CCSER1: variants seen among roughly 807,000 people sequenced by gnomAD.
The protein encoded by CCSER1 is coiled-coil serine rich protein 1, also known as serine-rich coiled-coil domain-containing protein 1.
Under a neutral mutation model 82.0 loss-of-function variants are expected in CCSER1, and 41 were observed. The observed-to-expected ratio is 0.50, with a 90% confidence interval of 0.39 to 0.65. CCSER1 has a LOEUF of 0.65. Among genes scored for constraint, CCSER1 ranks in the 30% least tolerant of loss-of-function variants. The pLI is 0.00. For missense variants in CCSER1, 1,119 were observed against 1,064.2 expected, an observed-to-expected ratio of 1.05 and a Z score of -0.72; for synonymous variants, 414 against 383.9, an observed-to-expected ratio of 1.08 and a Z score of -0.92.
chr4:91,201,110 C>T (rs1192870461), intron 10 of CCSER1, among the ~76,000 whole-genome samples: 1 of 152,018 alleles, frequency 6.6e-6, no homozygotes, highest in Non-Finnish European at 1.5e-5. Flanking sequence ...CCTCATGTGG[C>T]TGTTCTCCAG....
chr4:91,040,260 TG>T (rs1434874796), intron 9 of CCSER1, among the ~76,000 whole-genome samples: 2 of 152,198 alleles, frequency 1.3e-5, no homozygotes, highest in Non-Finnish European at 2.9e-5. Context: ...CTAGATATTT[TG>T]GTTGTTCATT....
intron 10 of CCSER1, among the ~76,000 whole-genome samples, chr4:91,134,309 A>G (rs561907565): frequency 3.9e-4 from 59 of 152,042 alleles, no homozygotes; most frequent in African/African-American, 1.4e-3. Context: ...AGGTGAAAGG[A>G]TCACTTGAGC....
chr4:90,966,684 A>G (rs566144606), intron 9 of CCSER1, among the ~76,000 whole-genome samples: 18 of 152,274 alleles, frequency 1.2e-4, no homozygotes, highest in Middle Eastern at 6.8e-3. Flanking sequence ...ACACAGGAAA[A>G]TATGAAAACT....
Position 91,066,345 on chromosome 4 carries a change from T to G in CCSER1, c.2173-19605T>G, listed in dbSNP as rs1377690086. On this transcript the variant is annotated intron_variant, in intron 9 of 10. Transcript: ENST00000509176. ...CAACTGTTGCCAAATGGTCGCACAG[T>G]TAGCGACAGAGGAGAAATGAAGCAC... 2.0e-5 allele frequency among the ~76,000 whole-genome samples: 3 copies of G among 152,188 alleles called. No individual in the cohort carries two copies. The East Asian group carries it at 5.8e-4, about 29-fold the overall frequency.
intron 10 of CCSER1, among the ~76,000 whole-genome samples, chr4:91,151,020 G>C (rs1040122519): frequency 1.3e-5 from 2 of 152,044 alleles, no homozygotes; most frequent in Non-Finnish European, 2.9e-5. Context: ...TTTTTTTATT[G>C]ATTGAATAGT....
intron 1 of CCSER1, among the ~76,000 whole-genome samples, chr4:90,194,828 G>A (rs987068901): frequency 1.3e-5 from 2 of 151,940 alleles, no homozygotes; most frequent in South Asian, 2.1e-4. Context: ...CACTTAAATA[G>A]CATAAGAGGA....
At chr4:90,282,965 A>G (rs1729144109) in intron 1 of CCSER1, among the ~76,000 whole-genome samples, 1 of 152,040 alleles carries the variant, frequency 6.6e-6, no homozygotes, top group African/African-American at 2.4e-5. Flanking sequence ...AGCATTTGGT[A>G]TAAGGAAACA....
intron 10 of CCSER1, among the ~76,000 whole-genome samples, chr4:91,118,489 G>T (rs1726822297): frequency 6.6e-6 from 1 of 151,824 alleles, no homozygotes; most frequent in South Asian, 2.1e-4. Context: ...TGCCCTGGTT[G>T]GTCTCTAACT....
chr4:91,272,567 A>G (rs541377158), intron 10 of CCSER1, among the ~76,000 whole-genome samples: 1 of 152,264 alleles, frequency 6.6e-6, no homozygotes, highest in East Asian at 1.9e-4. Context: ...CTCTGCTGGC[A>G]GTTCCTTTTG....
chr4:90,346,189 T>G (rs1742298794), intron 3 of CCSER1, among the ~76,000 whole-genome samples: 1 of 152,118 alleles, frequency 6.6e-6, no homozygotes, highest in African/African-American at 2.4e-5. Context: ...TAAAGAATCC[T>G]TTGTAAATTT....
At position 90,811,995 on chromosome 4, in the gene CCSER1, C is replaced by CACACACACATATAT. The variant is rs367800484; in HGVS notation, c.2011-3766_2011-3765insCACACACATATATA. 4.3e-3 allele frequency among the ~76,000 whole-genome samples: 608 copies of CACACACACATATAT among 142,762 alleles called. 4 individuals are homozygous for CACACACACATATAT. The highest frequency in any genetic ancestry group is 0.015 in the African/African-American group (568 of 38,476). The allele number at this position is 142,762 out of a possible 152,430, so 93.7% of individuals were successfully genotyped here. On this transcript the variant is annotated intron_variant, in intron 7 of 10. Coordinates refer to ENST00000509176, the MANE Select transcript of CCSER1 (RefSeq NM_001145065.2). ...ATATATATATATATATATATAAACA[C>CACACACACATATAT]ATATATATATATGAGTTTATTAAGT...
intron 10 of CCSER1, among the ~76,000 whole-genome samples, chr4:91,349,430 T>A (rs78090263): frequency 0.34 from 10,031 of 29,478 alleles, 1,100 homozygotes; most frequent in African/African-American, 0.55. Context: ...GATGTAATGG[T>A]TAAGTTGTAG....
chr4:90,981,873 G>A (rs955800453), intron 9 of CCSER1, among the ~76,000 whole-genome samples: 3 of 151,164 alleles, frequency 2.0e-5, no homozygotes, highest in Admixed American at 6.6e-5. Context: ...GCTAAGAGAA[G>A]TAAAGCATTT....
intron 5 of CCSER1, among the ~76,000 whole-genome samples, chr4:90,469,998 T>C (rs1047818481): frequency 6.6e-6 from 1 of 152,200 alleles, no homozygotes; most frequent in African/African-American, 2.4e-5. Flanking sequence ...TCAAAAAGTT[T>C]CAGATTTTAG....
chr4:91,253,658 A>G (rs960508051), intron 10 of CCSER1, among the ~76,000 whole-genome samples: 5 of 152,202 alleles, frequency 3.3e-5, no homozygotes, highest in Admixed American at 6.5e-5. Context: ...AAGATATAAC[A>G]ATTATAAGCA....
At chr4:91,154,248 T>A (rs1019165833) in intron 10 of CCSER1, among the ~76,000 whole-genome samples, 8 of 151,966 alleles carry the variant, frequency 5.3e-5, no homozygotes, top group African/African-American at 1.9e-4. Flanking sequence ...CACCTTGCAG[T>A]TTGATCTCAG....
At chr4:91,317,601 T>C (rs779289686) in intron 10 of CCSER1, among the ~76,000 whole-genome samples, 23 of 150,162 alleles carry the variant, frequency 1.5e-4, no homozygotes, top group African/African-American at 3.8e-4. Flanking sequence ...TGTGTGTGTG[T>C]GCGTGTGTGT....
rs925386320 is a variant in CCSER1 at position 90,704,802 on chromosome 4, C to T, written c.1933-19112C>T. Among the ~76,000 whole-genome samples, 7 of 152,320 alleles carry T rather than the reference C, an allele frequency of 4.6e-5. No homozygotes were observed. In the South Asian group the frequency reaches 1.0e-3, roughly 23 times the overall value. On this transcript the variant is annotated intron_variant, in intron 6 of 10. Coordinates refer to ENST00000509176, the MANE Select transcript of CCSER1 (RefSeq NM_001145065.2). Reference sequence around the variant, plus strand: ...GCTTGTGCATTTGTCACGTAGTTCTCATGGCATGGTTTTCAGCTCCATCAG... The same window carrying T: ...GCTTGTGCATTTGTCACGTAGTTCTTATGGCATGGTTTTCAGCTCCATCAG...
At chr4:90,634,078 A>G (rs1724986279) in intron 6 of CCSER1, among the ~76,000 whole-genome samples, 2 of 151,682 alleles carry the variant, frequency 1.3e-5, no homozygotes, top group South Asian at 4.2e-4. Context: ...ATGATCTATA[A>G]AAGAAAATGT....
Sources: gnomAD v4.1 joint callset for allele counts (sites outside exome capture counted in the v4.1 genomes callset) on GRCh38, gnomAD v4.1.1 for gene constraint, MANE v1.5 for transcripts, NCBI Gene and HGNC (gene_info 2026-07-23, HGNC 2026-07-21) for gene names.